AHNAK: variants seen among roughly 807,000 people sequenced by gnomAD.
AHNAK encodes the protein AHNAK nucleoprotein, also known as neuroblast differentiation-associated protein AHNAK.
A neutral mutation model predicts 37.8 loss-of-function variants in AHNAK; 23 were observed. That is an observed-to-expected ratio of 0.61 (90% confidence interval 0.44 to 0.86). The LOEUF (loss-of-function observed/expected upper bound fraction) is 0.86. Among genes scored for constraint, AHNAK ranks in the 40% least tolerant of loss-of-function variants. The probability of loss-of-function intolerance (pLI) is 0.00; values close to 1 mark genes in which losing one functional copy is unlikely to be tolerated. For missense variants in AHNAK, 7,411 were observed against 7,319.4 expected (o/e 1.01, Z -0.46); for synonymous variants, 2,481 against 2,636.3 (o/e 0.94, Z 1.80).
rs773536738 is a variant in AHNAK, at chr11:62,519,024, G to A, written c.15393C>T (p.Val5131=). The A allele has an allele frequency of 8.7e-6, 14 of 1,613,418 alleles. No individual in the cohort carries two copies. The highest frequency in any genetic ancestry group is 6.7e-5 in the East Asian group (3 of 44,850). ...DLELSLPAIH[V]EGLDIKAKAP... is the part of the protein sequence containing the mutation. Reference sequence around the variant, plus strand: ...CCTTCGCCTTGATGTCAAGACCTTCGACGTGAATCGCTGGCAAAGAAAGTT... The same window carrying A: ...CCTTCGCCTTGATGTCAAGACCTTCAACGTGAATCGCTGGCAAAGAAAGTT... Residue 5131 remains valine (V), a synonymous_variant, in exon 5 of 5, where the codon GTC becomes GTT. Coordinates refer to ENST00000378024, the MANE Select transcript of AHNAK (RefSeq NM_001620.3).
chr11:62,435,599 C>G (rs547072447), intron 5 of AHNAK, among the ~76,000 whole-genome samples: 2 of 152,158 alleles, frequency 1.3e-5, no homozygotes, highest in Admixed American at 6.5e-5. Context: ...ATTTTTAGTA[C>G]AGACGGGGTT....
intron 5 of AHNAK, among the ~76,000 whole-genome samples, chr11:62,461,473 A>G (rs1938787287): frequency 6.6e-6 from 1 of 152,212 alleles, no homozygotes; most frequent in African/African-American, 2.4e-5. Flanking sequence ...AATTAAGAAG[A>G]AATCTAAATT....
intron 5 of AHNAK, among the ~76,000 whole-genome samples, chr11:62,490,934 C>G (rs375266380): frequency 6.6e-6 from 1 of 151,962 alleles, no homozygotes; most frequent in Non-Finnish European, 1.5e-5. Flanking sequence ...ATTACAGGTG[C>G]CTGCCACCAT....
chr11:62,465,801 A>T (rs1938899627), intron 5 of AHNAK, among the ~76,000 whole-genome samples: 1 of 152,138 alleles, frequency 6.6e-6, no homozygotes, highest in South Asian at 2.1e-4. Flanking sequence ...CTAAGCCAAG[A>T]AACACCAAGG....
chr11:62,546,342 C>T (rs1565255434), intron 1 of AHNAK, among the ~76,000 whole-genome samples: 1 of 152,260 alleles, frequency 6.6e-6, no homozygotes, highest in Non-Finnish European at 1.5e-5. Flanking sequence ...GGACAGAGGC[C>T]ACCAGGCCCG....
chr11:62,526,580 C>G lies in AHNAK; in HGVS notation c.7837G>C (p.Val2613Leu). 1 of 1,613,524 alleles carries G rather than the reference C, an allele frequency of 6.2e-7. No individual in the cohort carries two copies. The highest frequency in any genetic ancestry group is 8.5e-7 in the Non-Finnish European group (1 of 1,179,908). ...TCCACTTTGGGCCCCTTGATGTCAA[C>G]TTCGGGGCCCTTGAGGTCACCTTCC... ...KVEGDLKGPE[V>L]DIKGPKVDIN... The change falls in exon 5 of 5, where the codon GTT becomes CTT. Residue 2613 changes from valine to leucine, a missense_variant. Transcript: ENST00000378024.
rs774641011 is a variant in AHNAK at position 62,522,686 on chromosome 11, C to T, written c.11731G>A (p.Gly3911Ser). 1.9e-6 allele frequency: 3 copies of T among 1,612,768 alleles called. No individual in the cohort carries two copies. The highest frequency in any genetic ancestry group is 2.5e-6 in the Non-Finnish European group (3 of 1,179,762). ...GGGGCATTAATATCCACTTTGGGGC[C>T]TTTAATATCCAAGTCAGGAACTTGC... is the stretch of plus-strand genomic sequence containing the variant. ...DMQVPDLDIKGPKVDINAPDV... is the reference protein window; with the variant it reads ...DMQVPDLDIKSPKVDINAPDV... Residue 3911 changes from glycine (G) to serine (S), a missense_variant, in exon 5 of 5, where the codon GGC becomes AGC. Gly to Ser is a moderately conservative substitution (Grantham distance 56). Coordinates refer to ENST00000378024, the MANE Select transcript of AHNAK (RefSeq NM_001620.3).
intron 1 of AHNAK, among the ~76,000 whole-genome samples, chr11:62,545,233 G>C (rs1309149188): frequency 6.6e-6 from 1 of 152,224 alleles, no homozygotes; most frequent in East Asian, 1.9e-4. Context: ...CTGCGAAACC[G>C]GCAAGCACAC....
chr11:62,490,689 G>A (rs1939490878), intron 5 of AHNAK, among the ~76,000 whole-genome samples: 1 of 152,180 alleles, frequency 6.6e-6, no homozygotes, highest in Admixed American at 6.5e-5. Context: ...TGACACGGCA[G>A]TCAGTCCTCT....
intron 5 of AHNAK, among the ~76,000 whole-genome samples, chr11:62,475,165 T>C (rs1939117488): frequency 6.6e-6 from 1 of 152,090 alleles, no homozygotes; most frequent in African/African-American, 2.4e-5. Flanking sequence ...TAGCCAGGCA[T>C]AGTGGCAGGT....
chr11:62,473,526 A>G (rs1939083646), intron 5 of AHNAK, among the ~76,000 whole-genome samples: 1 of 151,980 alleles, frequency 6.6e-6, no homozygotes, highest in Non-Finnish European at 1.5e-5. Context: ...TCCTAAAAAT[A>G]CAAAAACAAT....
At chr11:62,538,385 G>A (rs143502623) in intron 1 of AHNAK, among the ~76,000 whole-genome samples, 1 of 152,188 alleles carries the variant, frequency 6.6e-6, no homozygotes, top group Non-Finnish European at 1.5e-5. Flanking sequence ...TCATCTGCAG[G>A]TGCCCTAGAA....
rs1033226216 is a variant in AHNAK, at chr11:62,524,846, G to C, written c.9571C>G (p.Pro3191Ala). 1.9e-6 allele frequency: 3 copies of C among 1,614,094 alleles called. No homozygotes were observed. Among genetic ancestry groups the C allele is most frequent in the Non-Finnish European group, 2.5e-6 (3 of 1,180,020 alleles). Residue 3191 changes from proline (P) to alanine (A), a missense_variant, in exon 5 of 5, where the codon CCA (proline) becomes GCA (alanine). Physicochemically the swap from Pro to Ala is conservative, Grantham distance 27. Transcript: ENST00000378024. ...TCTGGACCTTCAATATTCACATCTG[G>C]AACATCAACGTCCACCTTGGGTCCT... ...VSGPKVDVDV[P>A]DVNIEGPDAK...
chr11:62,488,895 G>A (rs1939446133), intron 5 of AHNAK, among the ~76,000 whole-genome samples: 1 of 152,094 alleles, frequency 6.6e-6, no homozygotes, highest in South Asian at 2.1e-4. Context: ...TGGAGTGGTG[G>A]TTCAAAGGCC....
chr11:62,527,595 G>C lies in AHNAK; in HGVS notation c.6822C>G (p.Val2274=), dbSNP rs767136709. The part of the protein sequence containing the change: ...DVNLPKADVD[V]SGPKVDVEVP... ...CTTCAACATCCACCTTGGGTCCTGA[G>C]ACATCAACGTCAGCCTTGGGCAAGT... Residue 2274 remains valine (V), a synonymous_variant, in exon 5 of 5, where the codon GTC becomes GTG. Coordinates refer to ENST00000378024, the MANE Select transcript of AHNAK (RefSeq NM_001620.3). 3.7e-6 allele frequency: 6 copies of C among 1,613,522 alleles called. No homozygotes were observed. The Admixed American group carries it at 1.0e-4, about 27-fold the overall frequency.
At chr11:62,476,272 C>A (rs1314886186) in intron 5 of AHNAK, among the ~76,000 whole-genome samples, 1 of 152,156 alleles carries the variant, frequency 6.6e-6, no homozygotes, top group Non-Finnish European at 1.5e-5. Flanking sequence ...GGCTATAATT[C>A]CAGCTACTTG....
intron 5 of AHNAK, among the ~76,000 whole-genome samples, chr11:62,466,378 A>G (rs987345003): frequency 1.3e-5 from 2 of 151,996 alleles, no homozygotes; most frequent in African/African-American, 2.4e-5. Context: ...CCTGAACACC[A>G]GAGTTGTATA....
chr11:62,463,227 C>A (rs1938830946), intron 5 of AHNAK, among the ~76,000 whole-genome samples: 1 of 151,768 alleles, frequency 6.6e-6, no homozygotes, highest in Non-Finnish European at 1.5e-5. Flanking sequence ...TAACCATATT[C>A]CAGGACAACA....
rs766952507 is a variant in AHNAK at position 62,522,854 on chromosome 11, T to C, written c.11563A>G (p.Lys3855Glu). 1 of 1,612,402 alleles carries C rather than the reference T, an allele frequency of 6.2e-7. No homozygotes were observed. Among genetic ancestry groups the C allele is most frequent in the Admixed American group, 1.7e-5 (1 of 59,818 alleles). The change falls in exon 5 of 5, where the codon AAG becomes GAG. Residue 3855 changes from lysine to glutamate, a missense_variant. Coordinates refer to ENST00000378024, the MANE Select transcript of AHNAK (RefSeq NM_001620.3). ...PDVNIEGPEG[K>E]LKGPKFKMPE... ...ATCTTGAATTTGGGACCTTTCAACTTTCCCTCTGGGCCTTCGATATTCACA... is the reference window on the plus strand; with the variant it reads ...ATCTTGAATTTGGGACCTTTCAACTCTCCCTCTGGGCCTTCGATATTCACA...
Sources: gnomAD v4.1 joint callset for allele counts (sites outside exome capture counted in the v4.1 genomes callset) on GRCh38, gnomAD v4.1.1 for gene constraint, MANE v1.5 for transcripts, NCBI Gene and HGNC (gene_info 2026-07-23, HGNC 2026-07-21) for gene names.